The following ZC3H3 variants were observed in gnomAD, a reference collection of about 807,000 sequenced individuals.
ZC3H3 encodes the protein zinc finger CCCH domain-containing protein 3.
In ZC3H3, 36 loss-of-function variants were observed where a neutral mutation model predicts 77.3. That is an observed-to-expected ratio of 0.47 (90% CI 0.36 to 0.61). ZC3H3 has a LOEUF of 0.61. Among genes scored for constraint, ZC3H3 ranks in the 20% least tolerant of loss-of-function variants. ZC3H3 has a pLI of 0.00. For synonymous variants in ZC3H3, 626 were observed against 555.2 expected, an observed-to-expected ratio of 1.13 and a Z score of -1.79; for missense variants, 1,331 against 1,312.2, an observed-to-expected ratio of 1.01 and a Z score of -0.22.
At chr8:143,439,274 C>T (rs780524227) in intron 11 of ZC3H3, among the ~76,000 whole-genome samples, 3 of 152,184 alleles carry the variant, frequency 2.0e-5, no homozygotes, top group East Asian at 1.9e-4. Flanking sequence ...GCGGCCCCTC[C>T]GAGGCAGGCA....
At position 143,538,931 on chromosome 8, in the gene ZC3H3, A is replaced by C. The variant is rs1469435744; in HGVS notation, c.436T>G (p.Leu146Val). The change falls in exon 2 of 12, where the codon TTG becomes GTG. Residue 146 changes from leucine to valine, a missense_variant. Coordinates refer to ENST00000262577, the MANE Select transcript of ZC3H3 (RefSeq NM_015117.3). Reference protein sequence around the residue: ...ASASGAQRGSLEEFEETPWSD... With the variant: ...ASASGAQRGSVEEFEETPWSD... Reference sequence around the variant, plus strand: ...CAGGGGGTTTCCTCAAATTCTTCCAAAGAGCCCCGCTGGGCCCCTGAGGCA... The same window carrying C: ...CAGGGGGTTTCCTCAAATTCTTCCACAGAGCCCCGCTGGGCCCCTGAGGCA... 2 of 1,612,906 alleles carry C rather than the reference A, an allele frequency of 1.2e-6. No homozygotes were observed. Among genetic ancestry groups the C allele is most frequent in the East Asian group, 2.2e-5 (1 of 44,864 alleles).
In ZC3H3 at chr8:143,441,080, C is replaced by A; in HGVS notation, c.2348G>T (p.Arg783Leu). 3 of 1,462,996 alleles carry A rather than the reference C, an allele frequency of 2.1e-6. No individual in the cohort carries two copies. The highest frequency in any genetic ancestry group is 1.5e-5 in the African/African-American group (1 of 67,500). 90.6% of individuals were successfully genotyped at this position (1,462,996 alleles called of 1,614,324 possible). ...KHTLLCPDFA[R>L]RGACPRGAQC... ...GGCGCCGCGGGGACACGCCCCCCTG[C>A]GGGCAAAGTCGGGGCACAGCAGCGT... Residue 783 changes from arginine (R) to leucine (L), a missense_variant, in exon 10 of 12, where the codon CGC becomes CTC. Arg to Leu is a moderately radical substitution (Grantham distance 102, BLOSUM62 -2). Around this residue, in one of 3 missense-constraint regions of ZC3H3, gnomAD observed 249 missense variants for 236.9 expected, o/e 1.05. Coordinates refer to ENST00000262577, the MANE Select transcript of ZC3H3 (RefSeq NM_015117.3).
chr8:143,516,552 CACACACACACACACA>C (rs1822053449), intron 3 of ZC3H3, among the ~76,000 whole-genome samples: 2 of 133,628 alleles, frequency 1.5e-5, no homozygotes, highest in African/African-American at 6.7e-5. Flanking sequence ...CACACACACA[CACACACACACACACA>C]TACACACACA....
chr8:143,537,642 G>C (rs1347010597), intron 2 of ZC3H3, among the ~76,000 whole-genome samples: 1 of 152,058 alleles, frequency 6.6e-6, no homozygotes, highest in African/African-American at 2.4e-5. Context: ...ATGGACCCTG[G>C]ACTGGTCCCT....
chr8:143,508,071 G>A (rs748815313), intron 3 of ZC3H3, among the ~76,000 whole-genome samples, 172 bp from the exon 4 acceptor site: 8 of 152,244 alleles, frequency 5.3e-5, no homozygotes, highest in African/African-American at 1.4e-4. Flanking sequence ...TCCCCAGGGC[G>A]CCTGGCAGCC....
chr8:143,473,487 C>A (rs1341447023), intron 5 of ZC3H3, among the ~76,000 whole-genome samples: 2 of 152,184 alleles, frequency 1.3e-5, no homozygotes, highest in Admixed American at 6.5e-5. Flanking sequence ...ATGCAGGGCA[C>A]CCTCCCACCC....
intron 4 of ZC3H3, among the ~76,000 whole-genome samples, chr8:143,481,959 C>T (rs1471505563): frequency 1.3e-5 from 2 of 152,236 alleles, no homozygotes; most frequent in Non-Finnish European, 2.9e-5. Context: ...GGGTCTCCGC[C>T]CTGGTTCACA....
chr8:143,502,477 G>A (rs1213576961), intron 4 of ZC3H3, among the ~76,000 whole-genome samples: 1 of 152,206 alleles, frequency 6.6e-6, no homozygotes, highest in African/African-American at 2.4e-5. Flanking sequence ...CGTCAAAACT[G>A]CACAGATTAC....
intron 9 of ZC3H3, among the ~76,000 whole-genome samples, chr8:143,455,242 A>T (rs1017507903): frequency 1.3e-5 from 2 of 152,202 alleles, no homozygotes; most frequent in Middle Eastern, 3.2e-3. Flanking sequence ...TGAACCCAGG[A>T]GATGGAGGGT....
intron 8 of ZC3H3, among the ~76,000 whole-genome samples, chr8:143,467,927 G>A (rs906886438): frequency 4.6e-5 from 7 of 152,198 alleles, no homozygotes; most frequent in Non-Finnish European, 1.0e-4. Flanking sequence ...TGTAAGGGGG[G>A]CCTGGGGATC....
At chr8:143,527,453 C>T (rs146021715) in intron 3 of ZC3H3, among the ~76,000 whole-genome samples, 9 of 152,284 alleles carry the variant, frequency 5.9e-5, no homozygotes, top group African/African-American at 2.2e-4. Context: ...TTGGCACCCA[C>T]AGCACAGTGC....
chr8:143,488,746 C>T (rs1821115256), intron 4 of ZC3H3, among the ~76,000 whole-genome samples: 1 of 152,202 alleles, frequency 6.6e-6, no homozygotes, highest in Non-Finnish European at 1.5e-5. Flanking sequence ...TTTAAGTGCA[C>T]AGAAAAGTAA....
chr8:143,462,896 G>A lies in ZC3H3; in HGVS notation c.2307+2821C>T, dbSNP rs888511978. Among the ~76,000 whole-genome samples, 2 of 152,090 alleles carry A rather than the reference G, an allele frequency of 1.3e-5. No individual in the cohort carries two copies. The highest frequency in any genetic ancestry group is 2.9e-5 in the Non-Finnish European group (2 of 68,032). ...AGCACACGCAGCGCCCAGACCCTGA[G>A]TCCTAAACACACCCAGAAGGAACCA... On this transcript the variant is annotated intron_variant, in intron 9 of 11. Transcript: ENST00000262577. This position sits in a 1 kb window ranked among gnomAD's most constrained non-coding sequence, Gnocchi z 4.7.
At chr8:143,469,142 T>C (rs148187619) in intron 5 of ZC3H3, among the ~76,000 whole-genome samples, 289 of 152,278 alleles carry the variant, frequency 1.9e-3, no homozygotes, top group African/African-American at 6.7e-3. Context: ...TGCTCCTGGC[T>C]CTCTCCTCAG....
chr8:143,442,010 G>C (rs1022380436), intron 9 of ZC3H3, among the ~76,000 whole-genome samples: 2 of 152,172 alleles, frequency 1.3e-5, no homozygotes, highest in Non-Finnish European at 2.9e-5. Context: ...TAGAGTGGCC[G>C]GAGTGCTTCC....
intron 9 of ZC3H3, among the ~76,000 whole-genome samples, chr8:143,459,420 G>A (rs572969655): frequency 9.9e-4 from 150 of 152,196 alleles, no homozygotes; most frequent in African/African-American, 3.3e-3. Context: ...CTGGCAGCGC[G>A]TGCCTGAAAT....
chr8:143,504,375 G>A (rs1478844041), intron 4 of ZC3H3, among the ~76,000 whole-genome samples: 1 of 152,208 alleles, frequency 6.6e-6, no homozygotes. Flanking sequence ...GAGAGGACAA[G>A]GTGAGGGCTG....
intron 5 of ZC3H3, among the ~76,000 whole-genome samples, chr8:143,472,691 A>G (rs1246049845): frequency 6.6e-6 from 1 of 152,190 alleles, no homozygotes; most frequent in East Asian, 1.9e-4. Context: ...CACCCAGCCC[A>G]ACAAACGTGG....
intron 3 of ZC3H3, among the ~76,000 whole-genome samples, chr8:143,525,741 G>A (rs1045385556): frequency 2.6e-5 from 4 of 152,250 alleles, no homozygotes; most frequent in African/African-American, 4.8e-5. Context: ...CTGGGATGCC[G>A]CCACTCAGCA....
Sources: gnomAD v4.1 joint callset for allele counts (sites outside exome capture counted in the v4.1 genomes callset) on GRCh38, gnomAD v4.1.1 for gene constraint, gnomAD v4.1.1 regional missense constraint, Gnocchi (gnomAD v3.1) non-coding constraint, MANE v1.5 for transcripts, NCBI Gene and HGNC (gene_info 2026-07-23, HGNC 2026-07-21) for gene names.